The following LAMP5 variants were observed in gnomAD, a reference collection of about 807,000 sequenced individuals.
LAMP5 encodes the protein lysosome-associated membrane glycoprotein 5.
Under a neutral mutation model 30.2 loss-of-function variants are expected in LAMP5, and 36 were observed. The ratio of observed to expected loss-of-function variants is 1.19; its 90% confidence interval spans 0.91 to 1.57. LAMP5 has a LOEUF of 1.57. Among genes scored for constraint, LAMP5 ranks in the 40% most tolerant of loss-of-function variants. The pLI is 0.00. For missense variants in LAMP5, 377 were observed against 354.9 expected (o/e 1.06, Z -0.50); for synonymous variants, 149 against 134.6 (o/e 1.11, Z -0.74).
Position 9,529,635 on chromosome 20 carries a change from A to G in LAMP5, c.665-7A>G, listed in dbSNP as rs776228158. 1.2e-6 allele frequency: 2 copies of G among 1,612,866 alleles called. No homozygotes were observed. The highest frequency in any genetic ancestry group is 1.1e-5 in the South Asian group (1 of 90,928). On this transcript the variant is annotated splice_region_variant and splice_polypyrimidine_tract_variant and intron_variant, in intron 5 of 5. Coordinates refer to ENST00000246070, the MANE Select transcript of LAMP5 (RefSeq NM_012261.4). ...GAGCTCTCTGCTTTTCTTCTTTCCC[A>G]TTGCAGAGCATAAATGCCCAGTGGA... is the stretch of plus-strand genomic sequence containing the variant.
chr20:9,520,660 TC>T (rs962700864), intron 5 of LAMP5, among the ~76,000 whole-genome samples: 6 of 151,992 alleles, frequency 3.9e-5, no homozygotes, highest in African/African-American at 1.5e-4. Flanking sequence ...CATAATGGTT[TC>T]CTGTGAAGAG....
chr20:9,521,033 A>G (rs1603171289), intron 5 of LAMP5, among the ~76,000 whole-genome samples: 1 of 152,184 alleles, frequency 6.6e-6, no homozygotes, highest in African/African-American at 2.4e-5. Context: ...CTGCTGGCCC[A>G]TGGAGCACTA....
rs200754808 is a variant in LAMP5, at chr20:9,526,616, G to A, written c.665-3026G>A. Among the ~76,000 whole-genome samples, 15 of 152,170 alleles carry A rather than the reference G, an allele frequency of 9.9e-5. No individual in the cohort carries two copies. The East Asian group carries it at 2.7e-3, about 28-fold the overall frequency. On this transcript the variant is annotated intron_variant, in intron 5 of 5. Coordinates refer to ENST00000246070, the MANE Select transcript of LAMP5 (RefSeq NM_012261.4). ...TGGAGCAATGGATGTATTGATCCAG[G>A]CTGACCTTCAAAGTGTTGGGACTCA...
intron 5 of LAMP5, among the ~76,000 whole-genome samples, chr20:9,520,335 C>T (rs2045070924): frequency 6.6e-6 from 1 of 152,218 alleles, no homozygotes; most frequent in Non-Finnish European, 1.5e-5. Context: ...TTCCTGGCTC[C>T]TCCCTTCTGT....
intron 5 of LAMP5, among the ~76,000 whole-genome samples, chr20:9,523,026 T>C (rs369346473): frequency 2.1e-5 from 3 of 139,864 alleles, no homozygotes; most frequent in African/African-American, 2.8e-5. Context: ...CTTGAACTCC[T>C]GGGCATAAGC....
Position 9,514,618 on chromosome 20 carries a change from A to T in LAMP5, c.-235A>T. On this transcript the variant is annotated 5_prime_UTR_variant, in exon 1 of 6. Transcript: ENST00000246070. ...TTGCTTTCAGCACTCGCAGCCGTGG[A>T]CCGCCGTGCGGTCCTTTCCTCCGCA... The T allele has an allele frequency of 4.7e-5, 17 of 363,268 alleles. No homozygotes were observed. Among genetic ancestry groups the T allele is most frequent in the Non-Finnish European group, 6.8e-5 (13 of 190,970 alleles). 22.5% of individuals were successfully genotyped at this position (363,268 alleles called of 1,614,324 possible). A position where few individuals can be genotyped will look rare whatever the true frequency, so the allele number is the denominator to read the frequency against.
intron 5 of LAMP5, among the ~76,000 whole-genome samples, chr20:9,526,778 TA>T (rs11477011): frequency 0.095 from 14,217 of 150,094 alleles, 860 homozygotes; most frequent in East Asian, 0.31. Context: ...AACTATCTTT[TA>T]AAAAAGCTAT....
chr20:9,518,196 T>A lies in LAMP5; in HGVS notation c.632T>A (p.Phe211Tyr), dbSNP rs772992841. Residue 211 changes from phenylalanine to tyrosine, a missense_variant, in exon 5 of 6, where the codon TTT becomes TAT. Physicochemically the swap from Phe to Tyr is conservative, Grantham distance 22. Coordinates refer to ENST00000246070, the MANE Select transcript of LAMP5 (RefSeq NM_012261.4). ...MILSAVHIQP[F>Y]DIISDFVFSE... ...CTGTCTGCGGTCCACATCCAACCTT[T>A]TGACATTATCTCAGATTTTGTCTTC... 1.2e-6 allele frequency: 2 copies of A among 1,614,194 alleles called. No individual in the cohort carries two copies. Among genetic ancestry groups the A allele is most frequent in the Middle Eastern group, 1.6e-4 (1 of 6,062 alleles).
At chr20:9,518,268 A>T (rs1209654990) in intron 5 of LAMP5, 40 bp downstream of exon 5, 2 of 1,589,376 alleles carry the variant, frequency 1.3e-6, no homozygotes. Context: ...GACCTAGTTT[A>T]TTTCAGGAAG....
In LAMP5 at chr20:9,516,322, G is replaced by T. The variant is rs1266747130; in HGVS notation, c.436G>T (p.Asp146Tyr). ...GCTGAGCAAAGTGCAGTTTGTCTACGACTCCTCGGAGAAAACCCACTTCAA... is the reference window on the plus strand; with the variant it reads ...GCTGAGCAAAGTGCAGTTTGTCTACTACTCCTCGGAGAAAACCCACTTCAA... ...WRLSKVQFVY[D>Y]SSEKTHFKDA... is the part of the protein sequence containing the mutation. Residue 146 changes from aspartate (D) to tyrosine (Y), a missense_variant, in exon 4 of 6, where the codon GAC becomes TAC. By Grantham distance (160) the Asp-to-Tyr change is radical. Coordinates refer to ENST00000246070, the MANE Select transcript of LAMP5 (RefSeq NM_012261.4). 1 of 1,614,042 alleles carries T rather than the reference G, an allele frequency of 6.2e-7. No homozygotes were observed. Among genetic ancestry groups the T allele is most frequent in the African/African-American group, 1.3e-5 (1 of 74,916 alleles).
At position 9,529,735 on chromosome 20, in the gene LAMP5, T is replaced by C; in HGVS notation, c.758T>C (p.Leu253Pro). 1.2e-6 allele frequency: 2 copies of C among 1,614,128 alleles called. No homozygotes were observed. The highest frequency in any genetic ancestry group is 1.7e-6 in the Non-Finnish European group (2 of 1,180,032). Reference protein sequence around the residue: ...LILGLVIMVTLAIYHVHHKMT... With the variant: ...LILGLVIMVTPAIYHVHHKMT... ...TTGGGCCTCGTCATCATGGTAACAC[T>C]CGCGATTTACCACGTCCACCACAAA... Residue 253 changes from leucine (L) to proline (P), a missense_variant, in exon 6 of 6, where the codon CTC becomes CCC. Leu to Pro is a moderately conservative substitution (Grantham distance 98, BLOSUM62 -3). Coordinates refer to ENST00000246070, the MANE Select transcript of LAMP5 (RefSeq NM_012261.4).
chr20:9,514,939 G>T, intron 1 of LAMP5, 23 bp downstream of exon 1: 1 of 1,610,918 alleles, frequency 6.2e-7, no homozygotes, highest in Non-Finnish European at 8.5e-7. Flanking sequence ...TTGGCGACTG[G>T]GAGAGAGGAC....
At chr20:9,519,069 C>A (rs115485660) in intron 5 of LAMP5, among the ~76,000 whole-genome samples, 1,902 of 152,286 alleles carry the variant, frequency 0.012, 46 homozygotes, top group African/African-American at 0.043. Flanking sequence ...AGAGGTAGGG[C>A]ACAAGGGGAG....
At chr20:9,521,737 T>C (rs1207330626) in intron 5 of LAMP5, among the ~76,000 whole-genome samples, 1 of 152,134 alleles carries the variant, frequency 6.6e-6, no homozygotes, top group East Asian at 1.9e-4. Flanking sequence ...CTGGCTGAGA[T>C]GGGAATGGGG....
At chr20:9,517,972 C>A (rs766500619) in intron 4 of LAMP5, 68 bp from the exon 5 acceptor site, 1 of 1,445,070 alleles carries the variant, frequency 6.9e-7, no homozygotes, top group Non-Finnish European at 9.6e-7. Flanking sequence ...GAGGCAATAG[C>A]CAGCTCTCTG....
chr20:9,520,919 A>G (rs1461174673), intron 5 of LAMP5, among the ~76,000 whole-genome samples: 2 of 151,816 alleles, frequency 1.3e-5, no homozygotes, highest in Non-Finnish European at 1.5e-5. Context: ...CTTCAGCTTC[A>G]ATGTGCAATG....
intron 4 of LAMP5, 57 bp downstream of exon 4, chr20:9,516,418 GGA>G: frequency 7.3e-7 from 1 of 1,374,332 alleles, no homozygotes; most frequent in South Asian, 1.2e-5. Context: ...GAACAGGCTT[GGA>G]GAGAGAATTC....
At chr20:9,515,426 G>A in intron 1 of LAMP5, 27 bp from the exon 2 acceptor site, 3 of 1,604,694 alleles carry the variant, frequency 1.9e-6, no homozygotes, top group South Asian at 2.2e-5. Context: ...GCCCTGAACT[G>A]ATGGAATTGT....
At chr20:9,519,500 T>G (rs560968387) in intron 5 of LAMP5, among the ~76,000 whole-genome samples, 1 of 152,244 alleles carries the variant, frequency 6.6e-6, no homozygotes, top group African/African-American at 2.4e-5. Context: ...GGCTATCCCA[T>G]GTTAATGTAT....
Sources: gnomAD v4.1 joint callset for allele counts (sites outside exome capture counted in the v4.1 genomes callset) on GRCh38, gnomAD v4.1.1 for gene constraint, MANE v1.5 for transcripts, NCBI Gene and HGNC (gene_info 2026-07-23, HGNC 2026-07-21) for gene names.